The following LOXL2 variants were observed in gnomAD, a reference collection of about 807,000 sequenced individuals.
LOXL2 encodes the protein lysyl oxidase homolog 2.
A neutral mutation model predicts 93.0 loss-of-function variants in LOXL2; 70 were observed. That is an observed-to-expected ratio of 0.75 (90% CI 0.62 to 0.92). LOXL2 has a LOEUF of 0.92. Ranked by LOEUF, LOXL2 falls within the 40% of genes least tolerant of loss-of-function variation. The pLI is 0.00. For missense variants in LOXL2, 973 were observed against 1,054.9 expected (o/e 0.92, Z 1.08); for synonymous variants, 438 against 413.2 (o/e 1.06, Z -0.73).
At chr8:23,365,552 C>G in intron 2 of LOXL2, 1 of 151,434 alleles carries the variant, frequency 6.6e-6, no homozygotes, top group East Asian at 1.9e-4. Context: ...TCTTTCTCCT[C>G]TCTTTGATGT....
intron 1 of LOXL2, among the ~76,000 whole-genome samples, chr8:23,388,424 T>TAA: frequency 6.6e-6 from 1 of 150,412 alleles, no homozygotes; most frequent in South Asian, 2.1e-4. Flanking sequence ...CAAAAAAATT[T>TAA]TTTTTTTTAA....
In LOXL2 at chr8:23,303,385, G is replaced by A. The variant is rs1419206022; in HGVS notation, c.1893C>T (p.Ser631=). Residue 631 remains serine, a synonymous_variant, in exon 11 of 14, where the codon AGC becomes AGT. Coordinates refer to ENST00000389131, the MANE Select transcript of LOXL2 (RefSeq NM_002318.3). Reference sequence around the variant, plus strand: ...GGTCATAGTGGGTGAACACCTCCATGCTGTGGTAGTGCCTGGAGCGAGAGA... The same window carrying A: ...GGTCATAGTGGGTGAACACCTCCATACTGTGGTAGTGCCTGGAGCGAGAGA... The part of the protein sequence containing the change: ...IWHDCHRHYH[S]MEVFTHYDLL... 1.2e-6 allele frequency: 2 copies of A among 1,606,352 alleles called. No homozygotes were observed. Among genetic ancestry groups the A allele is most frequent in the African/African-American group, 2.7e-5 (2 of 74,742 alleles).
chr8:23,373,983 G>T (rs561738968), intron 1 of LOXL2, among the ~76,000 whole-genome samples: 1 of 152,138 alleles, frequency 6.6e-6, no homozygotes, highest in South Asian at 2.1e-4. Context: ...AAGTTCTAGG[G>T]TACATGTGCA....
Position 23,309,851 on chromosome 8 carries a change from C to G in LOXL2, c.1697G>C (p.Arg566Pro), listed in dbSNP as rs757571903. ...GGCACACTGCAGCATGAACATGGGC[C>G]GGTCCTCCAGGTAGGTGGTCTGCTG... The part of the protein sequence containing the change: ...MVQQTTYLED[R>P]PMFMLQCAME... The change falls in exon 10 of 14, where the codon CGG becomes CCG. Residue 566 changes from arginine to proline, a missense_variant. Transcript: ENST00000389131. The G allele has an allele frequency of 1.2e-5, 19 of 1,588,460 alleles. No homozygotes were observed. The highest frequency in any genetic ancestry group is 1.5e-5 in the Non-Finnish European group (18 of 1,166,242).
At chr8:23,390,231 C>T (rs1255649337) in intron 1 of LOXL2, among the ~76,000 whole-genome samples, 1 of 152,138 alleles carries the variant, frequency 6.6e-6, no homozygotes, top group Admixed American at 6.5e-5. Context: ...CTTCTGGCCC[C>T]ACGGGGAACA....
At position 23,377,825 on chromosome 8, in the gene LOXL2, A is replaced by C. The variant is rs373445247; in HGVS notation, c.-83-9391T>G. On this transcript the variant is annotated intron_variant, in intron 1 of 13. Transcript: ENST00000389131. Reference sequence around the variant, plus strand: ...TCCTCCATCCCTTTATTGTGAGCCTATGTGTGTCTCTGCACGTGAGATGGG... The same window carrying C: ...TCCTCCATCCCTTTATTGTGAGCCTCTGTGTGTCTCTGCACGTGAGATGGG... Among the ~76,000 whole-genome samples the C allele has an allele frequency of 1.2e-3, 181 of 152,136 alleles. 1 individual carries two copies. In the East Asian group the frequency reaches 0.018, roughly 16 times the overall value.
intron 9 of LOXL2, among the ~76,000 whole-genome samples, chr8:23,313,255 C>A (rs1301766216): frequency 2.0e-5 from 3 of 152,258 alleles, no homozygotes; most frequent in East Asian, 1.9e-4. Context: ...CCATCCCCAT[C>A]AAGCTACCAA....
chr8:23,353,648 A>C (rs1053056460), intron 3 of LOXL2, among the ~76,000 whole-genome samples: 1 of 152,212 alleles, frequency 6.6e-6, no homozygotes, highest in African/African-American at 2.4e-5. Flanking sequence ...TTCCTGGATG[A>C]AATAAACCAA....
At chr8:23,337,911 T>C (rs1585357185) in intron 4 of LOXL2, among the ~76,000 whole-genome samples, 1 of 152,186 alleles carries the variant, frequency 6.6e-6, no homozygotes, top group South Asian at 2.1e-4. Flanking sequence ...ACCTCTGGGG[T>C]ATGTGCAGGT....
chr8:23,361,862 AAC>A (rs1296577110), intron 2 of LOXL2, among the ~76,000 whole-genome samples: 1 of 86,890 alleles, frequency 1.2e-5, no homozygotes, highest in Admixed American at 1.1e-4. Flanking sequence ...AACAAAACAA[AAC>A]AAACAAAAAA....
intron 9 of LOXL2, among the ~76,000 whole-genome samples, chr8:23,315,965 C>T (rs1803395394): frequency 6.6e-6 from 1 of 152,174 alleles, no homozygotes. Context: ...GGGATGCTTT[C>T]CCCCGGGGAG....
chr8:23,388,821 A>T (rs955749050), intron 1 of LOXL2, among the ~76,000 whole-genome samples: 1 of 151,496 alleles, frequency 6.6e-6, no homozygotes, highest in African/African-American at 2.5e-5. Flanking sequence ...GGGTAGGGGA[A>T]AAAAAGACTT....
At chr8:23,319,824 A>G in intron 8 of LOXL2, 61 bp downstream of exon 8, 1 of 1,556,144 alleles carries the variant, frequency 6.4e-7, no homozygotes, top group Non-Finnish European at 8.7e-7. Context: ...GGGCTGACTG[A>G]AGACAGTGTG....
intron 1 of LOXL2, among the ~76,000 whole-genome samples, chr8:23,394,906 T>C (rs1266037174): frequency 6.6e-6 from 1 of 152,118 alleles, no homozygotes; most frequent in African/African-American, 2.4e-5. Flanking sequence ...GGTATGCCCA[T>C]ACAATAGAAT....
chr8:23,331,477 G>C (rs2117169692), intron 5 of LOXL2: 1 of 152,380 alleles, frequency 6.6e-6, no homozygotes, highest in Middle Eastern at 3.4e-3. Context: ...AGTGCACTAA[G>C]TACTGAGGTT....
intron 1 of LOXL2, among the ~76,000 whole-genome samples, chr8:23,397,836 C>T (rs1189868540): frequency 6.7e-6 from 1 of 149,666 alleles, no homozygotes; most frequent in Non-Finnish European, 1.5e-5. Flanking sequence ...TGGTGCATGC[C>T]TGTAATCCCA....
At chr8:23,387,305 C>A (rs1190932554) in intron 1 of LOXL2, among the ~76,000 whole-genome samples, 1 of 152,166 alleles carries the variant, frequency 6.6e-6, no homozygotes. Context: ...ACTGTGTCCT[C>A]GGGGGGTATC....
chr8:23,363,263 C>A (rs1487103471), intron 2 of LOXL2: 1 of 152,252 alleles, frequency 6.6e-6, no homozygotes, highest in Non-Finnish European at 1.5e-5. Context: ...CGGGGCCAGT[C>A]TCCTGACGTC....
intron 12 of LOXL2, among the ~76,000 whole-genome samples, chr8:23,300,358 A>G (rs1803109639): frequency 6.6e-6 from 1 of 152,178 alleles, no homozygotes. Context: ...AAATGATGAG[A>G]AAGCGGATAA....
Sources: allele counts gnomAD v4.1 joint callset (sites outside exome capture counted in the v4.1 genomes callset), GRCh38; gene constraint gnomAD v4.1.1; transcripts MANE v1.5; gene names NCBI Gene and HGNC (gene_info 2026-07-23, HGNC 2026-07-21).